ITFG1: variants seen among roughly 807,000 people sequenced by gnomAD.
The protein encoded by ITFG1 is T-cell immunomodulatory protein.
A neutral mutation model predicts 81.8 loss-of-function variants in ITFG1; 34 were observed. The ratio of observed to expected loss-of-function variants is 0.42; its 90% CI spans 0.32 to 0.55. The LOEUF is 0.55. Among genes scored for constraint, ITFG1 ranks in the 20% least tolerant of loss-of-function variants. The pLI is 0.17. For synonymous variants in ITFG1, 285 were observed against 270.6 expected, an observed-to-expected ratio of 1.05 and a Z score of -0.52; for missense variants, 672 against 755.4, an observed-to-expected ratio of 0.89 and a Z score of 1.29.
chr16:47,384,876 G>A (rs533728472), intron 6 of ITFG1, among the ~76,000 whole-genome samples: 229 of 152,288 alleles, frequency 1.5e-3, no homozygotes, highest in African/African-American at 5.1e-3. Flanking sequence ...TCAGGAGTTC[G>A]AGACCAGCCT....
rs569258496 is a variant in ITFG1 at position 47,339,603 on chromosome 16, C to T, written c.803-25780G>A. 8.4e-4 allele frequency among the ~76,000 whole-genome samples: 128 copies of T among 151,998 alleles called. 1 individual carries two copies. Among genetic ancestry groups the T allele is most frequent in the African/African-American group, 2.9e-3 (122 of 41,476 alleles). ...ATAAAGTTCCCTAGAAATGGGGGGCCTCAACAGCAGATTTGAACAGGCACA... is the reference window on the plus strand; with the variant it reads ...ATAAAGTTCCCTAGAAATGGGGGGCTTCAACAGCAGATTTGAACAGGCACA... On this transcript the variant is annotated intron_variant, in intron 8 of 17. Coordinates refer to ENST00000320640, the MANE Select transcript of ITFG1 (RefSeq NM_030790.5).
intron 1 of ITFG1, among the ~76,000 whole-genome samples, chr16:47,460,201 T>C (rs1217506671): frequency 6.6e-6 from 1 of 152,232 alleles, no homozygotes; most frequent in African/African-American, 2.4e-5. Flanking sequence ...GAGAAATTTC[T>C]GTAGTTTGAG....
intron 10 of ITFG1, among the ~76,000 whole-genome samples, chr16:47,305,220 A>G (rs113697702): frequency 0.093 from 14,194 of 152,208 alleles, 1,327 homozygotes; most frequent in African/African-American, 0.24. Context: ...TGTCTTATAC[A>G]TATAAACTGC....
chr16:47,161,243 A>G (rs927451578), intron 16 of ITFG1, among the ~76,000 whole-genome samples: 1 of 152,224 alleles, frequency 6.6e-6, no homozygotes, highest in African/African-American at 2.4e-5. Flanking sequence ...GCACTGTGTT[A>G]AGTATATTTC....
intron 10 of ITFG1, among the ~76,000 whole-genome samples, chr16:47,300,975 C>A (rs1314299025): frequency 6.6e-6 from 1 of 152,144 alleles, no homozygotes; most frequent in Non-Finnish European, 1.5e-5. Context: ...TCTCTGTGCC[C>A]TAATTAATTC....
intron 14 of ITFG1, among the ~76,000 whole-genome samples, chr16:47,191,206 T>G (rs1478609965): frequency 2.0e-5 from 3 of 152,178 alleles, no homozygotes. Context: ...TTTGGGGAGT[T>G]TCAGTTGACA....
In ITFG1 at chr16:47,421,338, G is replaced by A. The variant is rs185531557; in HGVS notation, c.655+7466C>T. The stretch of plus-strand genomic sequence containing the variant: ...TTTTTTTTTTCTGAGATGGAGTCTC[G>A]TTCTGTCACCAGGCTGGAGAGCAGT... On this transcript the variant is annotated intron_variant, in intron 6 of 17. Transcript: ENST00000320640. Among the ~76,000 whole-genome samples the A allele has an allele frequency of 6.9e-5, 10 of 145,866 alleles. No homozygotes were observed. The East Asian group carries it at 1.0e-3, about 15-fold the overall frequency.
chr16:47,428,739 A>T, intron 6 of ITFG1, 65 bp downstream of exon 6: 2 of 922,330 alleles, frequency 2.2e-6, no homozygotes, highest in Non-Finnish European at 3.6e-6. Context: ...TACAAAGTGT[A>T]CAGTAAATAA....
intron 10 of ITFG1, among the ~76,000 whole-genome samples, chr16:47,270,464 G>A (rs1325440893): frequency 3.3e-5 from 5 of 152,182 alleles, no homozygotes; most frequent in Non-Finnish European, 5.9e-5. Context: ...CAACCATACC[G>A]ATTTTGGAGA....
rs933320467 is a variant in ITFG1, at chr16:47,454,226, C to T, written c.282-68G>A. 4.0e-6 allele frequency: 5 copies of T among 1,250,440 alleles called. No homozygotes were observed. In the South Asian group the frequency reaches 6.5e-5, roughly 16 times the overall value. 77.5% of individuals were successfully genotyped at this position (1,250,440 alleles called of 1,614,324 possible). A position where few individuals can be genotyped will look rare whatever the true frequency, so the allele number is the denominator to read the frequency against. On this transcript the variant is annotated intron_variant, in intron 2 of 17. Coordinates refer to ENST00000320640, the MANE Select transcript of ITFG1 (RefSeq NM_030790.5). ...GGAAAAGGACAATTCTGTATTTCTA[C>T]CACACAAAAATATTTTCAATGAAAA...
intron 12 of ITFG1, among the ~76,000 whole-genome samples, chr16:47,251,186 C>T (rs1420346503): frequency 1.3e-5 from 2 of 152,192 alleles, no homozygotes; most frequent in South Asian, 2.1e-4. Context: ...GAGAGCCTGT[C>T]GACACCCTCG....
Position 47,396,800 on chromosome 16 carries a change from T to A in ITFG1, c.656-20860A>T, listed in dbSNP as rs1485868198. Among the ~76,000 whole-genome samples, 4 of 151,036 alleles carry A rather than the reference T, an allele frequency of 2.6e-5. No individual in the cohort carries two copies. The East Asian group carries it at 7.8e-4, about 29-fold the overall frequency. ...GCATGTAACCTAGAGGGATAAGGGG[T>A]GGTAGTAGGAGAGTGGCTATGTGAC... is the stretch of plus-strand genomic sequence containing the variant. On this transcript the variant is annotated intron_variant, in intron 6 of 17. Coordinates refer to ENST00000320640, the MANE Select transcript of ITFG1 (RefSeq NM_030790.5).
intron 8 of ITFG1, among the ~76,000 whole-genome samples, chr16:47,327,117 C>A (rs1967559545): frequency 6.6e-6 from 1 of 152,154 alleles, no homozygotes; most frequent in Non-Finnish European, 1.5e-5. Context: ...GCACTGGTAC[C>A]AAAACAGAGA....
intron 12 of ITFG1, among the ~76,000 whole-genome samples, chr16:47,242,060 G>A (rs1186060933): frequency 2.6e-5 from 4 of 151,988 alleles, no homozygotes; most frequent in Admixed American, 6.6e-5. Flanking sequence ...GTTGCACAAC[G>A]CTGAGAATAT....
chr16:47,259,793 C>T (rs72800634), intron 11 of ITFG1, among the ~76,000 whole-genome samples: 1 of 152,216 alleles, frequency 6.6e-6, no homozygotes, highest in Non-Finnish European at 1.5e-5. Flanking sequence ...TAAAGCCTTT[C>T]ATAAGGTCAC....
intron 10 of ITFG1, chr16:47,299,805 A>G (rs1188547939): frequency 6.6e-6 from 1 of 152,192 alleles, no homozygotes; most frequent in Non-Finnish European, 1.5e-5. Flanking sequence ...CAGGCCATAA[A>G]ACTGTGGCTC....
intron 13 of ITFG1, among the ~76,000 whole-genome samples, chr16:47,229,698 G>A (rs1163105120): frequency 6.6e-6 from 1 of 152,086 alleles, no homozygotes; most frequent in Non-Finnish European, 1.5e-5. Flanking sequence ...GGAGACAAGG[G>A]AAAGGAAAAA....
At chr16:47,291,367 A>T (rs1966903553) in intron 10 of ITFG1, among the ~76,000 whole-genome samples, 1 of 151,152 alleles carries the variant, frequency 6.6e-6, no homozygotes, top group South Asian at 2.1e-4. Context: ...CTGTTTTTAA[A>T]TTTTTTTCCT....
intron 12 of ITFG1, among the ~76,000 whole-genome samples, chr16:47,248,226 C>A (rs1292958170): frequency 6.6e-6 from 1 of 152,130 alleles, no homozygotes; most frequent in Non-Finnish European, 1.5e-5. Flanking sequence ...TTCATTGCTG[C>A]AGCTTCTTTC....
Sources: gnomAD v4.1 joint callset for allele counts (sites outside exome capture counted in the v4.1 genomes callset) on GRCh38, gnomAD v4.1.1 for gene constraint, MANE v1.5 for transcripts, NCBI Gene and HGNC (gene_info 2026-07-23, HGNC 2026-07-21) for gene names.